The following YWHAQ variants were observed in gnomAD, a reference collection of about 807,000 sequenced individuals.
YWHAQ encodes tyrosine 3-monooxygenase/tryptophan 5-monooxygenase activation protein theta, also known as 14-3-3 protein theta.
YWHAQ carries 6 observed loss-of-function variants against 28.3 expected under a neutral mutation model. The observed-to-expected ratio is 0.21, with a 90% CI of 0.12 to 0.42. YWHAQ has a LOEUF of 0.42. Among genes scored for constraint, YWHAQ ranks in the 10% least tolerant of loss-of-function variants. The pLI is 1.00. For missense variants in YWHAQ, 201 were observed against 305.6 expected, an observed-to-expected ratio of 0.66 and a Z score of 2.55; for synonymous variants, 143 against 119.1, an observed-to-expected ratio of 1.20 and a Z score of -1.31.
chr2:9,585,685 A>T (rs951385445), intron 5 of YWHAQ, among the ~76,000 whole-genome samples: 1 of 152,166 alleles, frequency 6.6e-6, no homozygotes, highest in Non-Finnish European at 1.5e-5. Flanking sequence ...AGATGAGAAG[A>T]TCGCATGAGG....
intron 2 of YWHAQ, among the ~76,000 whole-genome samples, chr2:9,614,310 T>C (rs17362839): frequency 0.16 from 24,040 of 152,130 alleles, 2,206 homozygotes; most frequent in Middle Eastern, 0.24. Context: ...ACAAAAAGAA[T>C]CAAGGCAAAT....
intron 2 of YWHAQ, among the ~76,000 whole-genome samples, chr2:9,623,400 G>A (rs1667182099): frequency 6.6e-6 from 1 of 152,204 alleles, no homozygotes; most frequent in South Asian, 2.1e-4. Flanking sequence ...GTAAATCCTA[G>A]CATAAAGCAT....
Position 9,630,053 on chromosome 2 carries a change from A to T in YWHAQ, c.294+106T>A, listed in dbSNP as rs1667329914. 1 of 1,461,850 alleles carries T rather than the reference A, an allele frequency of 6.8e-7. No individual in the cohort carries two copies. Among genetic ancestry groups the T allele is most frequent in the Non-Finnish European group, 9.3e-7 (1 of 1,076,684 alleles). The allele number at this position is 1,461,850 out of a possible 1,614,324, so 90.6% of individuals were successfully genotyped here. On this transcript the variant is annotated intron_variant, in intron 2 of 5. Transcript: ENST00000238081. This position sits in a 1 kb window ranked among gnomAD's most constrained non-coding sequence, Gnocchi z 5.6. ...CTCACCTAAAACCCTCCACCCCAGC[A>T]GACAGTCCGGCAAGCCCCGGCTCAC...
chr2:9,600,680 G>A (rs1015722605), intron 2 of YWHAQ, among the ~76,000 whole-genome samples: 7 of 151,976 alleles, frequency 4.6e-5, no homozygotes, highest in Non-Finnish European at 1.0e-4. Flanking sequence ...ACTCCAGCCT[G>A]GGCAACAAGA....
chr2:9,587,313 C>T, intron 5 of YWHAQ, 101 bp downstream of exon 5: 1 of 1,029,832 alleles, frequency 9.7e-7, no homozygotes, highest in South Asian at 1.6e-5. Flanking sequence ...CTCATACTTT[C>T]AGCTCGTATG....
intron 5 of YWHAQ, among the ~76,000 whole-genome samples, chr2:9,586,981 T>G (rs548577753): frequency 6.6e-6 from 1 of 152,276 alleles, no homozygotes; most frequent in African/African-American, 2.4e-5. Context: ...AGGTATAGGT[T>G]TACTCCCTAA....
chr2:9,593,923 T>TATATACACACAC (rs377495113), intron 2 of YWHAQ, among the ~76,000 whole-genome samples: 24 of 135,164 alleles, frequency 1.8e-4, no homozygotes, highest in African/African-American at 7.0e-4. Flanking sequence ...TATATATATA[T>TATATACACACAC]ACACACACAC....
At chr2:9,593,236 C>CTTTTTTTTT (rs34085406) in intron 2 of YWHAQ, among the ~76,000 whole-genome samples, 1 of 114,962 alleles carries the variant, frequency 8.7e-6, no homozygotes, top group Admixed American at 9.7e-5. Flanking sequence ...GCATCCATGT[C>CTTTTTTTTT]TTTTTTTTTT....
intron 2 of YWHAQ, among the ~76,000 whole-genome samples, chr2:9,621,831 T>C (rs1667147585): frequency 6.6e-6 from 1 of 152,122 alleles, no homozygotes; most frequent in Non-Finnish European, 1.5e-5. Flanking sequence ...ATGTGGCATA[T>C]ATACACCATG....
rs576516736 is a variant in YWHAQ at position 9,617,208 on chromosome 2, C to T, written c.294+12951G>A. On this transcript the variant is annotated intron_variant, in intron 2 of 5. Transcript: ENST00000238081. ...CCATCTCCTGACCTCGTGATCCGCC[C>T]GCCTCGGCCTCCCAAAGTGCTGTGA... Among the ~76,000 whole-genome samples the T allele has an allele frequency of 5.3e-5, 8 of 151,920 alleles. No homozygotes were observed. In the South Asian group the frequency reaches 1.5e-3, roughly 28 times the overall value.
In YWHAQ at chr2:9,630,515, A is replaced by G; in HGVS notation, c.-63T>C. ...AGAGCGAGGGCGAGCGCCGACCCGC[A>G]GCGGGAGGAGCCTCGAGAGCTGCGG... On this transcript the variant is annotated 5_prime_UTR_variant, in exon 2 of 6. Coordinates refer to ENST00000238081, the MANE Select transcript of YWHAQ (RefSeq NM_006826.4). This position sits in a 1 kb window ranked among gnomAD's most constrained non-coding sequence, Gnocchi z 5.6. 1 of 1,447,784 alleles carries G rather than the reference A, an allele frequency of 6.9e-7. No homozygotes were observed. Among genetic ancestry groups the G allele is most frequent in the Non-Finnish European group, 9.1e-7 (1 of 1,093,928 alleles). 89.7% of individuals were successfully genotyped at this position (1,447,784 alleles called of 1,614,324 possible). A position where few individuals can be genotyped will look rare whatever the true frequency, so the allele number is the denominator to read the frequency against.
chr2:9,630,642 A>C lies in YWHAQ; in HGVS notation c.-82-108T>G, dbSNP rs1237727320. ...GTCTCCCGCACACGCGGCCGCTTGA[A>C]TTTCCCTCTCCCCCGCCCCCTCCCC... On this transcript the variant is annotated intron_variant, in intron 1 of 5. Transcript: ENST00000238081. The surrounding 1 kb of genome is among the most constrained non-coding windows in gnomAD (Gnocchi z 5.6). 1.8e-6 allele frequency: 1 copy of C among 542,164 alleles called. No individual in the cohort carries two copies. Among genetic ancestry groups the C allele is most frequent in the East Asian group, 3.4e-5 (1 of 29,118 alleles). The allele number at this position is 542,164 out of a possible 1,614,324, so 33.6% of individuals were successfully genotyped here.
chr2:9,630,538 C>T lies in YWHAQ; in HGVS notation c.-82-4G>A, dbSNP rs1422573277. ...GCAGCGGGAGGAGCCTCGAGAGCTG[C>T]GGAGGGGCGGGGCGGCGAGGCGAGA... On this transcript the variant is annotated splice_polypyrimidine_tract_variant and splice_region_variant and intron_variant, in intron 1 of 5. Transcript: ENST00000238081. The surrounding 1 kb of genome is among the most constrained non-coding windows in gnomAD (Gnocchi z 5.6). The T allele has an allele frequency of 1.5e-6, 2 of 1,326,304 alleles. No individual in the cohort carries two copies. Among genetic ancestry groups the T allele is most frequent in the Non-Finnish European group, 2.0e-6 (2 of 999,158 alleles). The allele number at this position is 1,326,304 out of a possible 1,614,324, so 82.2% of individuals were successfully genotyped here.
At chr2:9,599,213 A>T (rs2125065593) in intron 2 of YWHAQ, among the ~76,000 whole-genome samples, 1 of 152,316 alleles carries the variant, frequency 6.6e-6, no homozygotes, top group Middle Eastern at 3.4e-3. Context: ...CATAAGAAAA[A>T]TTTGAAGCTA....
chr2:9,623,583 G>A (rs928489499), intron 2 of YWHAQ, among the ~76,000 whole-genome samples: 15 of 152,094 alleles, frequency 9.9e-5, no homozygotes, highest in Non-Finnish European at 2.1e-4. Flanking sequence ...AGACCAACCT[G>A]ACCAACACGG....
intron 2 of YWHAQ, among the ~76,000 whole-genome samples, chr2:9,602,452 T>C (rs939365930): frequency 7.9e-5 from 12 of 151,914 alleles, no homozygotes; most frequent in Non-Finnish European, 1.6e-4. Flanking sequence ...TTTAATAACA[T>C]TTTATGCCTC....
chr2:9,623,655 C>A (rs994705344), intron 2 of YWHAQ, among the ~76,000 whole-genome samples: 1 of 152,130 alleles, frequency 6.6e-6, no homozygotes, highest in Non-Finnish European at 1.5e-5. Context: ...TGCCTGTAAT[C>A]CCAACTACTT....
Position 9,630,495 on chromosome 2 carries a change from G to T in YWHAQ, c.-43C>A, listed in dbSNP as rs751552379. 5 of 1,513,614 alleles carry T rather than the reference G, an allele frequency of 3.3e-6. No individual in the cohort carries two copies. Among genetic ancestry groups the T allele is most frequent in the Non-Finnish European group, 4.4e-6 (5 of 1,133,468 alleles). The allele number at this position is 1,513,614 out of a possible 1,614,324, so 93.8% of individuals were successfully genotyped here. On this transcript the variant is annotated 5_prime_UTR_variant, in exon 2 of 6. Transcript: ENST00000238081. This position sits in a 1 kb window ranked among gnomAD's most constrained non-coding sequence, Gnocchi z 5.6. The stretch of plus-strand genomic sequence containing the variant: ...GGCCGGGGCGGAGGGCGAGGAGAGC[G>T]AGGGCGAGCGCCGACCCGCAGCGGG...
intron 3 of YWHAQ, among the ~76,000 whole-genome samples, chr2:9,590,379 G>A (rs895917485): frequency 6.6e-6 from 1 of 152,136 alleles, no homozygotes. Flanking sequence ...TCAGGTACAA[G>A]TTCTCTTTAT....
Sources: allele counts gnomAD v4.1 joint callset (sites outside exome capture counted in the v4.1 genomes callset), GRCh38; gene constraint gnomAD v4.1.1; non-coding constraint Gnocchi (gnomAD v3.1); transcripts MANE v1.5; gene names NCBI Gene and HGNC (gene_info 2026-07-23, HGNC 2026-07-21).